Variants in COLQ observed in about 807,000 individuals in gnomAD.
The protein encoded by COLQ is collagen like tail subunit of asymmetric acetylcholinesterase, also known as acetylcholinesterase collagenic tail peptide.
A neutral mutation model predicts 69.0 loss-of-function variants in COLQ; 48 were observed. The ratio of observed to expected loss-of-function variants is 0.70; its 90% confidence interval spans 0.55 to 0.88. The LOEUF (loss-of-function observed/expected upper bound fraction) is 0.88, where lower values mean the gene tolerates loss of function less well. COLQ is among the 40% of genes least tolerant of loss of function. The probability of loss-of-function intolerance (pLI) is 0.00; values close to 1 mark genes in which losing one functional copy is unlikely to be tolerated. For synonymous variants in COLQ, 217 were observed against 211.2 expected, an observed-to-expected ratio of 1.03 and a Z score of -0.24; for missense variants, 618 against 594.6, an observed-to-expected ratio of 1.04 and a Z score of -0.41.
chr3:15,458,327 T>C lies in COLQ; in HGVS notation c.815-2A>G, dbSNP rs1429313838. On this transcript the variant is annotated splice_acceptor_variant, in intron 12 of 16. Coordinates refer to ENST00000383788, the MANE Select transcript of COLQ (RefSeq NM_005677.4). LOFTEE classifies it high-confidence loss of function. ...CTTTGGGTCCCATTATAAGTTGTCC[T>C]AGGAAGCAACAGACTGCTGTGTTAC... 6.2e-7 allele frequency: 1 copy of C among 1,613,886 alleles called. No individual in the cohort carries two copies. Among genetic ancestry groups the C allele is most frequent in the Non-Finnish European group, 8.5e-7 (1 of 1,179,976 alleles).
rs755424266 is a variant in COLQ, at chr3:15,470,583, C to A, written c.670G>T (p.Ala224Ser). ...CTTCCTGTGGGTCCTCGGTGTCCTGCTATCCCAGGTTCACCTTTTGGACCC... is the reference window on the plus strand; with the variant it reads ...CTTCCTGTGGGTCCTCGGTGTCCTGATATCCCAGGTTCACCTTTTGGACCC... ...EMGPKGEPGI[A>S]GHRGPTGRPG... Residue 224 changes from alanine (A) to serine (S), a missense_variant, in exon 11 of 17, where the codon GCA becomes TCA. Physicochemically the swap from Ala to Ser is moderately conservative, Grantham distance 99. Transcript: ENST00000383788. 3.1e-6 allele frequency: 5 copies of A among 1,614,132 alleles called. No homozygotes were observed. The South Asian group carries it at 3.3e-5, about 11-fold the overall frequency.
At chr3:15,485,117 A>T (rs1238019288) in intron 3 of COLQ, among the ~76,000 whole-genome samples, 2 of 152,208 alleles carry the variant, frequency 1.3e-5, no homozygotes, top group East Asian at 3.8e-4. Context: ...TCCTTCTAAC[A>T]GTCAGGACCC....
rs1161556370 is a variant in COLQ, at chr3:15,473,047, A to C, written c.636+953T>G. Reference sequence around the variant, plus strand: ...GCTAATTTTTTTTTTTTTAGAGATGAGATAGTACTATATTGCCCAAGCTGA... The same window carrying C: ...GCTAATTTTTTTTTTTTTAGAGATGCGATAGTACTATATTGCCCAAGCTGA... On this transcript the variant is annotated intron_variant, in intron 10 of 16. Transcript: ENST00000383788. This position sits in a 1 kb window ranked among gnomAD's most constrained non-coding sequence, Gnocchi z 4.0. Among the ~76,000 whole-genome samples, 2 of 151,186 alleles carry C rather than the reference A, an allele frequency of 1.3e-5. No homozygotes were observed. Among genetic ancestry groups the C allele is most frequent in the Non-Finnish European group, 2.9e-5 (2 of 67,856 alleles).
intron 1 of COLQ, chr3:15,499,009 C>T: frequency 1.4e-5 from 14 of 1,014,274 alleles, no homozygotes; most frequent in South Asian, 9.9e-5. Flanking sequence ...CTCTGGTAAG[C>T]CTCAAAGTCA....
At chr3:15,494,123 T>G (rs1198183962) in intron 1 of COLQ, among the ~76,000 whole-genome samples, 1 of 152,102 alleles carries the variant, frequency 6.6e-6, no homozygotes, top group South Asian at 2.1e-4. Context: ...GAAAGTTAAT[T>G]TGGGGCTAGA....
At chr3:15,485,025 T>TG (rs1294925715) in intron 3 of COLQ, among the ~76,000 whole-genome samples, 2 of 152,254 alleles carry the variant, frequency 1.3e-5, no homozygotes, top group South Asian at 4.1e-4. Context: ...TCCATCTTTG[T>TG]GGTTTTATCT....
intron 3 of COLQ, among the ~76,000 whole-genome samples, chr3:15,482,333 A>T (rs1225529874): frequency 6.6e-6 from 1 of 152,160 alleles, no homozygotes; most frequent in African/African-American, 2.4e-5. Flanking sequence ...TCAGTATGAT[A>T]TTGGCTACGG....
chr3:15,478,896 G>A, intron 5 of COLQ, 81 bp downstream of exon 5: 2 of 1,554,614 alleles, frequency 1.3e-6, no homozygotes, highest in African/African-American at 1.4e-5. Flanking sequence ...GTGCATTGCT[G>A]TTCCCCCCTC....
intron 1 of COLQ, among the ~76,000 whole-genome samples, chr3:15,502,900 T>C (rs778520939): frequency 6.6e-6 from 1 of 152,234 alleles, no homozygotes; most frequent in Non-Finnish European, 1.5e-5. Context: ...ATGCTCAGCA[T>C]TTCCCAGGCA....
intron 3 of COLQ, among the ~76,000 whole-genome samples, chr3:15,482,021 T>C (rs1184561758): frequency 6.6e-6 from 1 of 152,204 alleles, no homozygotes; most frequent in African/African-American, 2.4e-5. Context: ...TGTTTGTCTG[T>C]TATTGGTGTA....
Position 15,456,029 on chromosome 3 carries a change from G to C in COLQ, c.1075-10C>G. The C allele has an allele frequency of 5.0e-6, 8 of 1,613,990 alleles. No homozygotes were observed. The highest frequency in any genetic ancestry group is 6.8e-6 in the Non-Finnish European group (8 of 1,179,932). On this transcript the variant is annotated splice_polypyrimidine_tract_variant and intron_variant, in intron 14 of 16. Transcript: ENST00000383788. ...GGTAGAAAGGGGTCAGCTGGCCAAAGAAGCACACAGCATTAACTGGAGCAT... is the reference window on the plus strand; with the variant it reads ...GGTAGAAAGGGGTCAGCTGGCCAAACAAGCACACAGCATTAACTGGAGCAT...
intron 16 of COLQ, 108 bp downstream of exon 16, chr3:15,453,721 G>T: frequency 1.3e-6 from 1 of 750,998 alleles, no homozygotes; most frequent in Non-Finnish European, 2.3e-6. Context: ...TGTCTAGAAG[G>T]CACCACAAAG....
chr3:15,456,667 C>T, intron 13 of COLQ, 88 bp from the exon 14 acceptor site: 2 of 1,569,638 alleles, frequency 1.3e-6, no homozygotes, highest in Non-Finnish European at 1.7e-6. Flanking sequence ...AATCTCTATC[C>T]TTGGGCTGCT....
chr3:15,450,182 G>A lies in COLQ; in HGVS notation c.*1462C>T, dbSNP rs1316107585. On this transcript the variant is annotated 3_prime_UTR_variant, in exon 17 of 17. Coordinates refer to ENST00000383788, the MANE Select transcript of COLQ (RefSeq NM_005677.4). ...TTTTATTTCCCATCCAGAAACCCCA[G>A]TGTGATGGTGGAAGCAGCATGAAAA... 2 of 152,582 alleles carry A rather than the reference G, an allele frequency of 1.3e-5. No homozygotes were observed. Among genetic ancestry groups the A allele is most frequent in the Admixed American group, 6.6e-5 (1 of 15,264 alleles). 9.5% of individuals were successfully genotyped at this position (152,582 alleles called of 1,614,324 possible).
rs778085094 is a variant in COLQ at position 15,456,008 on chromosome 3, G to C, written c.1086C>G (p.Phe362Leu). ...LGWLPIQLTP[F>L]YPVDYTADQH... ...GGTCTGCAGTGTAATCCACAGGGTA[G>C]AAAGGGGTCAGCTGGCCAAAGAAGC... The change falls in exon 15 of 17, where the codon TTC becomes TTG. Residue 362 changes from phenylalanine (F) to leucine (L), a missense_variant. Phe to Leu is a conservative substitution (Grantham distance 22). Transcript: ENST00000383788. The C allele has an allele frequency of 6.2e-7, 1 of 1,614,080 alleles. No homozygotes were observed. The highest frequency in any genetic ancestry group is 1.7e-5 in the Admixed American group (1 of 60,006).
At chr3:15,505,514 A>G (rs1468203795) in intron 1 of COLQ, among the ~76,000 whole-genome samples, 8 of 152,212 alleles carry the variant, frequency 5.3e-5, no homozygotes, top group Non-Finnish European at 1.2e-4. Context: ...TCAAGTTCTA[A>G]TTTGACCAAA....
intron 8 of COLQ, 70 bp from the exon 9 acceptor site, chr3:15,474,342 G>A: frequency 6.5e-7 from 1 of 1,531,524 alleles, no homozygotes; most frequent in Non-Finnish European, 9.0e-7. Context: ...ATTTCAAACT[G>A]AAAAGCTCCC....
At chr3:15,457,304 G>T (rs1221790962) in intron 13 of COLQ, among the ~76,000 whole-genome samples, 3 of 151,708 alleles carry the variant, frequency 2.0e-5, no homozygotes, top group Non-Finnish European at 4.4e-5. Flanking sequence ...GCAATAGGTT[G>T]GTTAAACACC....
intron 1 of COLQ, among the ~76,000 whole-genome samples, chr3:15,502,426 T>C (rs902954142): frequency 6.6e-6 from 1 of 151,402 alleles, no homozygotes; most frequent in East Asian, 1.9e-4. Context: ...CTTTTATAAA[T>C]TTTTTTTTAA....
Sources: gnomAD v4.1 joint callset for allele counts (sites outside exome capture counted in the v4.1 genomes callset) on GRCh38, gnomAD v4.1.1 for gene constraint, Gnocchi (gnomAD v3.1) non-coding constraint, MANE v1.5 for transcripts, NCBI Gene and HGNC (gene_info 2026-07-23, HGNC 2026-07-21) for gene names.